CARS1: variants seen among roughly 807,000 people sequenced by gnomAD.
CARS1 encodes the protein cysteinyl-tRNA synthetase 1.
CARS1 carries 48 observed loss-of-function variants against 106.2 expected under a neutral mutation model. The ratio of observed to expected loss-of-function variants is 0.45; its 90% CI spans 0.36 to 0.57. The LOEUF (loss-of-function observed/expected upper bound fraction) is 0.57, where lower values mean the gene tolerates loss of function less well. CARS1 is among the 20% of genes least tolerant of loss of function. The pLI is 0.00. For missense variants in CARS1, 968 were observed against 1,057.2 expected, an observed-to-expected ratio of 0.92 and a Z score of 1.17; for synonymous variants, 409 against 403.4, an observed-to-expected ratio of 1.01 and a Z score of -0.17.
rs1362011573 is a variant in CARS1, at chr11:3,003,123, G to A, written c.2218-523C>T. On this transcript the variant is annotated intron_variant, in intron 20 of 22. Transcript: ENST00000380525. This position sits in a 1 kb window ranked among gnomAD's most constrained non-coding sequence, Gnocchi z 4.8. ...CAGCAGGCAGCACCCGGGCAGGGGC[G>A]AGGACAGTCTGATGCTGCAGGGAGA... Among the ~76,000 whole-genome samples the A allele has an allele frequency of 1.3e-5, 2 of 152,226 alleles. No homozygotes were observed. Among genetic ancestry groups the A allele is most frequent in the African/African-American group, 4.8e-5 (2 of 41,458 alleles).
intron 20 of CARS1, 27 bp from the exon 21 acceptor site, chr11:3,002,627 A>AGACAG (rs1849496786): frequency 6.2e-7 from 1 of 1,613,492 alleles, no homozygotes; most frequent in Admixed American, 1.7e-5. Flanking sequence ...GAGCCAGATG[A>AGACAG]GACAGGGCTG....
At chr11:3,005,115 A>AG (rs1268209020) in intron 20 of CARS1, among the ~76,000 whole-genome samples, 1 of 151,444 alleles carries the variant, frequency 6.6e-6, no homozygotes, top group Middle Eastern at 3.2e-3. Flanking sequence ...CTCAAAAAAA[A>AG]AAAAAAAAAA....
chr11:3,036,935 T>C (rs1357408729), intron 7 of CARS1, among the ~76,000 whole-genome samples: 3 of 151,506 alleles, frequency 2.0e-5, no homozygotes, highest in Non-Finnish European at 2.9e-5. Flanking sequence ...AAAAAGACCC[T>C]GTCTCTACAA....
rs1281781416 is a variant in CARS1, at chr11:3,008,438, G to C, written c.2069-1479C>G. On this transcript the variant is annotated intron_variant, in intron 18 of 22. Transcript: ENST00000380525. The surrounding 1 kb of genome is among the most constrained non-coding windows in gnomAD (Gnocchi z 5.1). ...GATCGAGACCATCCTGGCCAACATG[G>C]TGAAACCCCATCTCTACTAAAAATA... The C allele has an allele frequency of 1.3e-5, 2 of 152,124 alleles. No individual in the cohort carries two copies. The highest frequency in any genetic ancestry group is 6.6e-5 in the Admixed American group (1 of 15,258). 9.4% of individuals were successfully genotyped at this position (152,124 alleles called of 1,614,324 possible). A position where few individuals can be genotyped will look rare whatever the true frequency, so the allele number is the denominator to read the frequency against.
Position 3,044,460 on chromosome 11 carries a change from A to G in CARS1, c.275-2204T>C, listed in dbSNP as rs1285342065. 6.6e-6 allele frequency among the ~76,000 whole-genome samples: 1 copy of G among 151,722 alleles called. No individual in the cohort carries two copies. The highest frequency in any genetic ancestry group is 6.6e-5 in the Admixed American group (1 of 15,214). On this transcript the variant is annotated intron_variant, in intron 2 of 22. Transcript: ENST00000380525. This position sits in a 1 kb window ranked among gnomAD's most constrained non-coding sequence, Gnocchi z 4.4. The stretch of plus-strand genomic sequence containing the variant: ...AAATCTGGCTGAAGTGCACTGGCGC[A>G]ATCTCAACTCACTGCAACCTCCGCC...
At chr11:3,011,754 C>T (rs994481918) in intron 18 of CARS1, among the ~76,000 whole-genome samples, 1 of 152,192 alleles carries the variant, frequency 6.6e-6, no homozygotes, top group African/African-American at 2.4e-5. Context: ...CGGCTCCACT[C>T]GGCAGCAGGA....
rs1353867601 is a variant in CARS1 at position 3,046,570 on chromosome 11, C to T, written c.274+1183G>A. ...AAAACACGACCCACAGGAGATGTGA[C>T]ATCCCCACCTCCAGCCTGGTTAAAA... On this transcript the variant is annotated intron_variant, in intron 2 of 22. Transcript: ENST00000380525. This position sits in a 1 kb window ranked among gnomAD's most constrained non-coding sequence, Gnocchi z 5.8. Among the ~76,000 whole-genome samples, 2 of 152,218 alleles carry T rather than the reference C, an allele frequency of 1.3e-5. No homozygotes were observed. Among genetic ancestry groups the T allele is most frequent in the African/African-American group, 4.8e-5 (2 of 41,448 alleles).
intron 10 of CARS1, among the ~76,000 whole-genome samples, chr11:3,023,946 G>A (rs903239178): frequency 2.0e-5 from 3 of 151,994 alleles, no homozygotes; most frequent in African/African-American, 7.3e-5. Context: ...AGGTTGGAGT[G>A]CAGTGGCACG....
intron 18 of CARS1, 43 bp downstream of exon 18, chr11:3,012,152 G>A (rs752784534): frequency 3.2e-6 from 5 of 1,547,012 alleles, no homozygotes; most frequent in Non-Finnish European, 1.8e-6. Flanking sequence ...GGAGCCCAGT[G>A]AGGGGAGTGG....
chr11:3,049,862 G>A (rs534287468), intron 1 of CARS1, among the ~76,000 whole-genome samples: 11 of 152,342 alleles, frequency 7.2e-5, no homozygotes, highest in Admixed American at 3.3e-4. Context: ...TCTGAAAACA[G>A]AGAGCAGAGT....
At position 3,045,283 on chromosome 11, in the gene CARS1, G is replaced by A. The variant is rs967993834; in HGVS notation, c.274+2470C>T. 1.1e-4 allele frequency among the ~76,000 whole-genome samples: 16 copies of A among 152,054 alleles called. No individual in the cohort carries two copies. The highest frequency in any genetic ancestry group is 1.8e-4 in the Non-Finnish European group (12 of 68,016). On this transcript the variant is annotated intron_variant, in intron 2 of 22. Transcript: ENST00000380525. This position sits in a 1 kb window ranked among gnomAD's most constrained non-coding sequence, Gnocchi z 5.6. Reference sequence around the variant, plus strand: ...TCCATTATCTCCAACCCCCCACCCCGAGACGGAGTCTCGCTCTGTCACCTA... The same window carrying A: ...TCCATTATCTCCAACCCCCCACCCCAAGACGGAGTCTCGCTCTGTCACCTA...
chr11:3,039,127 A>G lies in CARS1; in HGVS notation c.651+67T>C, dbSNP rs867530160. 1.0e-6 allele frequency: 1 copy of G among 973,282 alleles called. No individual in the cohort carries two copies. The allele number at this position is 973,282 out of a possible 1,614,324, so 60.3% of individuals were successfully genotyped here. A position where few individuals can be genotyped will look rare whatever the true frequency, so the allele number is the denominator to read the frequency against. The stretch of plus-strand genomic sequence containing the variant: ...AGACTGACACTACCCTAGGGACAGT[A>G]GCCTACAAAGGACCGAGAACAGAAA... On this transcript the variant is annotated intron_variant, in intron 6 of 22. Transcript: ENST00000380525. The surrounding 1 kb of genome is among the most constrained non-coding windows in gnomAD (Gnocchi z 5.6).
At position 3,056,913 on chromosome 11, in the gene CARS1, C is replaced by T. The variant is rs1412867777; in HGVS notation, c.25+430G>A. 2.0e-5 allele frequency among the ~76,000 whole-genome samples: 3 copies of T among 152,196 alleles called. No individual in the cohort carries two copies. In the East Asian group the frequency reaches 5.8e-4, roughly 29 times the overall value. ...AACTGAGGCTGGGTGGTCTGGGCAG[C>T]GCCCCGCTCGGGCTCGGGTCCCCGC... On this transcript the variant is annotated intron_variant, in intron 1 of 22. Coordinates refer to ENST00000380525, the MANE Select transcript of CARS1 (RefSeq NM_001014437.3).
chr11:3,052,403 T>C lies in CARS1; in HGVS notation c.26-4402A>G, dbSNP rs1183491063. Among the ~76,000 whole-genome samples the C allele has an allele frequency of 6.6e-6, 1 of 152,238 alleles. No homozygotes were observed. Among genetic ancestry groups the C allele is most frequent in the Non-Finnish European group, 1.5e-5 (1 of 68,036 alleles). On this transcript the variant is annotated intron_variant, in intron 1 of 22. Coordinates refer to ENST00000380525, the MANE Select transcript of CARS1 (RefSeq NM_001014437.3). The surrounding 1 kb of genome is among the most constrained non-coding windows in gnomAD (Gnocchi z 4.6). ...TTGCCATCATTATTATCATAATCGC[T>C]CTGGTATTATTAATGTTATTGTAAT...
Position 3,047,831 on chromosome 11 carries a change from CG to C in CARS1, c.195del (p.His65GlnfsTer9). 6.2e-7 allele frequency: 1 copy of C among 1,614,170 alleles called. No homozygotes were observed. The highest frequency in any genetic ancestry group is 8.5e-7 in the Non-Finnish European group (1 of 1,180,034). On this transcript the variant is annotated frameshift_variant, in exon 2 of 23. Transcript: ENST00000380525. LOFTEE classifies it high-confidence loss of function. ...TCTATGTGCCTGAACCACCGAGCCA[CG>C]TGGAAGAGCTGGGGGTCAGCGGGCG... ...SAPPADPQLFHVARWFRHIEA... is the reference protein window; with the variant it reads ...SAPPADPQLFXVARWFRHIEA...
rs755948147 is a variant in CARS1 at position 3,020,531 on chromosome 11, G to T, written c.1154-199C>A. Reference sequence around the variant, plus strand: ...GACCCAGTGTCTAGATTTACAAAACGGTACATAATCCCCAAAGTCACCAGC... The same window carrying T: ...GACCCAGTGTCTAGATTTACAAAACTGTACATAATCCCCAAAGTCACCAGC... On this transcript the variant is annotated intron_variant, in intron 10 of 22. Coordinates refer to ENST00000380525, the MANE Select transcript of CARS1 (RefSeq NM_001014437.3). The surrounding 1 kb of genome is among the most constrained non-coding windows in gnomAD (Gnocchi z 4.6). Among the ~76,000 whole-genome samples the T allele has an allele frequency of 2.0e-5, 3 of 152,116 alleles. No individual in the cohort carries two copies. The highest frequency in any genetic ancestry group is 4.4e-5 in the Non-Finnish European group (3 of 68,014).
intron 1 of CARS1, among the ~76,000 whole-genome samples, chr11:3,051,406 G>A (rs1855685884): frequency 6.6e-6 from 1 of 152,208 alleles, no homozygotes; most frequent in Non-Finnish European, 1.5e-5. Flanking sequence ...AGAAGAAGGA[G>A]GCTGCTTACA....
Position 3,008,705 on chromosome 11 carries a change from C to A in CARS1, c.2069-1746G>T, listed in dbSNP as rs543585513. The A allele has an allele frequency of 2.0e-5, 3 of 152,124 alleles. No individual in the cohort carries two copies. Among genetic ancestry groups the A allele is most frequent in the Non-Finnish European group, 1.5e-5 (1 of 68,042 alleles). 9.4% of individuals were successfully genotyped at this position (152,124 alleles called of 1,614,324 possible). On this transcript the variant is annotated intron_variant, in intron 18 of 22. Coordinates refer to ENST00000380525, the MANE Select transcript of CARS1 (RefSeq NM_001014437.3). The surrounding 1 kb of genome is among the most constrained non-coding windows in gnomAD (Gnocchi z 5.1). ...CTTTGGGCAGCTTCCGGAGTTTCAACCTCCCCAGGCAGAGACCTAGGGGAA... is the reference window on the plus strand; with the variant it reads ...CTTTGGGCAGCTTCCGGAGTTTCAAACTCCCCAGGCAGAGACCTAGGGGAA...
At chr11:3,002,348 GC>G (rs1341358892) in intron 21 of CARS1, 192 bp downstream of exon 21, 3 of 1,038,266 alleles carry the variant, frequency 2.9e-6, no homozygotes, top group African/African-American at 3.2e-5. Context: ...CTTCCCCTTG[GC>G]CAGGCCTTCC....
Sources: gnomAD v4.1 joint callset for allele counts (sites outside exome capture counted in the v4.1 genomes callset) on GRCh38, gnomAD v4.1.1 for gene constraint, Gnocchi (gnomAD v3.1) non-coding constraint, MANE v1.5 for transcripts, NCBI Gene and HGNC (gene_info 2026-07-23, HGNC 2026-07-21) for gene names.